Variants in RANBP2 observed in about 807,000 individuals in gnomAD.
RANBP2 encodes E3 SUMO-protein ligase RanBP2.
A neutral mutation model predicts 303.6 loss-of-function variants in RANBP2; 57 were observed. That is an observed-to-expected ratio of 0.19 (90% CI 0.15 to 0.23). RANBP2 has a LOEUF of 0.23. Ranked by LOEUF, RANBP2 falls within the 10% of genes least tolerant of loss-of-function variation. RANBP2 has a pLI of 1.00. For synonymous variants in RANBP2, 1,167 were observed against 1,301.5 expected, an observed-to-expected ratio of 0.90 and a Z score of 2.23; for missense variants, 3,138 against 3,780.8, an observed-to-expected ratio of 0.83 and a Z score of 4.46.
chr2:109,637,894 G>T, the RANBP2 span, among the ~76,000 whole-genome samples: 2 of 152,100 alleles, frequency 1.3e-5, no homozygotes, highest in East Asian at 1.9e-4. Context: ...GGAGGCGGAG[G>T]TTGCAGTGAG....
chr2:109,219,662 C>G, the RANBP2 span, among the ~76,000 whole-genome samples: 4 of 151,758 alleles, frequency 2.6e-5, no homozygotes, highest in Non-Finnish European at 5.9e-5. Context: ...TTGAACAATC[C>G]GAAAAGGAAA....
At chr2:109,211,726 C>T in the RANBP2 span, among the ~76,000 whole-genome samples, 3 of 151,638 alleles carry the variant, frequency 2.0e-5, no homozygotes, top group South Asian at 6.3e-4. Flanking sequence ...CTCACTTCAA[C>T]CTCCGCCTGC....
the RANBP2 span, among the ~76,000 whole-genome samples, chr2:108,993,411 T>A: frequency 6.6e-6 from 1 of 151,792 alleles, no homozygotes; most frequent in African/African-American, 2.4e-5. Flanking sequence ...GACAAAAGGG[T>A]ATGGATTCTA....
At chr2:109,458,549 A>G in the RANBP2 span, among the ~76,000 whole-genome samples, 4 of 150,750 alleles carry the variant, frequency 2.7e-5, no homozygotes, top group African/African-American at 7.4e-5. Context: ...AGGGATCTCC[A>G]GAGAAACAGA....
chr2:109,767,242 T>G, the RANBP2 span, among the ~76,000 whole-genome samples: 1 of 147,808 alleles, frequency 6.8e-6, no homozygotes, highest in Non-Finnish European at 1.5e-5. Flanking sequence ...AAGGTCAGAT[T>G]CAGCAGTCCA....
At chr2:109,567,157 A>C in the RANBP2 span, among the ~76,000 whole-genome samples, 1 of 152,172 alleles carries the variant, frequency 6.6e-6, no homozygotes, top group Non-Finnish European at 1.5e-5. Flanking sequence ...TTTATCCCTC[A>C]CAACAACCCT....
At chr2:109,515,151 A>G in the RANBP2 span, among the ~76,000 whole-genome samples, 1 of 152,186 alleles carries the variant, frequency 6.6e-6, no homozygotes. Flanking sequence ...AGCCTGGATG[A>G]CCAATGGCGG....
At chr2:109,189,504 G>A in the RANBP2 span, among the ~76,000 whole-genome samples, 4 of 151,928 alleles carry the variant, frequency 2.6e-5, no homozygotes, top group Non-Finnish European at 5.9e-5. Context: ...GAGTAGCTGG[G>A]ATTACAGGCA....
At chr2:109,233,616 C>T in the RANBP2 span, among the ~76,000 whole-genome samples, 8 of 152,174 alleles carry the variant, frequency 5.3e-5, no homozygotes, top group South Asian at 2.1e-4. Context: ...GGGCCTTTGC[C>T]GGGGAACCAC....
At chr2:109,238,807 G>A in the RANBP2 span, among the ~76,000 whole-genome samples, 1 of 152,096 alleles carries the variant, frequency 6.6e-6, no homozygotes, top group Admixed American at 6.5e-5. Context: ...ATGAAACCCG[G>A]CGAGGTGTGG....
At chr2:109,560,866 G>A in the RANBP2 span, among the ~76,000 whole-genome samples, 1 of 152,006 alleles carries the variant, frequency 6.6e-6, no homozygotes, top group African/African-American at 2.4e-5. Context: ...CAACCACTAA[G>A]TTCTTCCAAT....
the RANBP2 span, among the ~76,000 whole-genome samples, chr2:109,077,498 G>C: frequency 2.0e-5 from 3 of 149,454 alleles, no homozygotes; most frequent in African/African-American, 7.3e-5. Flanking sequence ...CACAGGAAAG[G>C]AATGAATCAA....
At chr2:109,666,357 T>C in the RANBP2 span, among the ~76,000 whole-genome samples, 3 of 152,184 alleles carry the variant, frequency 2.0e-5, no homozygotes, top group African/African-American at 7.2e-5. Context: ...TGAAGCAATA[T>C]GTGTTCCTAA....
chr2:108,750,218 T>A (rs2149215607), intron 9 of RANBP2, among the ~76,000 whole-genome samples: 1 of 152,404 alleles, frequency 6.6e-6, no homozygotes, highest in East Asian at 1.9e-4. Flanking sequence ...AATGGTTGTT[T>A]ATGTATGATT....
chr2:109,616,045 C>T, the RANBP2 span: 8 of 1,512,572 alleles, frequency 5.3e-6, no homozygotes, highest in Non-Finnish European at 7.1e-6. Context: ...ACATTGAGAC[C>T]AAAGTCCAAT....
chr2:109,202,004 C>G, the RANBP2 span, among the ~76,000 whole-genome samples: 1 of 152,224 alleles, frequency 6.6e-6, no homozygotes. Flanking sequence ...AAACGGGACA[C>G]AGGCACAGAA....
At chr2:109,566,000 A>C in the RANBP2 span, 35 of 730,746 alleles carry the variant, frequency 4.8e-5, no homozygotes, top group African/African-American at 3.5e-5. Context: ...AGATTTTAAA[A>C]CCTGCCAGTG....
chr2:109,208,034 G>A, the RANBP2 span, among the ~76,000 whole-genome samples: 36 of 152,172 alleles, frequency 2.4e-4, no homozygotes, highest in Non-Finnish European at 4.3e-4. Flanking sequence ...TTTAGCATGC[G>A]ATTTGTTAAA....
chr2:109,137,683 A>T, the RANBP2 span, among the ~76,000 whole-genome samples: 4 of 152,254 alleles, frequency 2.6e-5, no homozygotes, highest in African/African-American at 9.6e-5. Flanking sequence ...AAGAGGAAAG[A>T]TGAGGGAGGC....
Sources: allele counts gnomAD v4.1 joint callset (sites outside exome capture counted in the v4.1 genomes callset), GRCh38; gene constraint gnomAD v4.1.1; transcripts MANE v1.5; gene names NCBI Gene and HGNC (gene_info 2026-07-23, HGNC 2026-07-21).